Variants in MAD1L1 observed in about 807,000 individuals in gnomAD.
MAD1L1 encodes mitotic spindle assembly checkpoint protein MAD1.
In MAD1L1, 95 loss-of-function variants were observed where a neutral mutation model predicts 96.9. That is an observed-to-expected ratio of 0.98 (90% CI 0.83 to 1.16). MAD1L1 has a LOEUF of 1.16. Ranked by LOEUF, MAD1L1 falls within the 50% of genes most tolerant of loss-of-function variation. MAD1L1 has a pLI of 0.00. For missense variants in MAD1L1, 1,007 were observed against 954.4 expected (o/e 1.06, Z -0.73); for synonymous variants, 473 against 396.6 (o/e 1.19, Z -2.29).
chr7:1,900,657 G>T (rs890557226), intron 17 of MAD1L1, among the ~76,000 whole-genome samples: 2 of 152,200 alleles, frequency 1.3e-5, no homozygotes, highest in Non-Finnish European at 1.5e-5. Context: ...GCACAAGGAA[G>T]AACGCAGAGA....
chr7:2,041,423 C>T (rs1783667778), intron 12 of MAD1L1, among the ~76,000 whole-genome samples: 2 of 152,174 alleles, frequency 1.3e-5, no homozygotes, highest in African/African-American at 2.4e-5. Context: ...CCTGCCAGCT[C>T]GTAGCAGAGT....
At chr7:2,001,940 T>TC in intron 14 of MAD1L1, 125 bp downstream of exon 14, 1 of 970,720 alleles carries the variant, frequency 1.0e-6, no homozygotes, top group Non-Finnish European at 1.6e-6. Flanking sequence ...CAACGCAGCT[T>TC]CCGACGACAG....
At chr7:2,027,034 G>T (rs1783023684) in intron 12 of MAD1L1, among the ~76,000 whole-genome samples, 1 of 151,730 alleles carries the variant, frequency 6.6e-6, no homozygotes, top group South Asian at 2.1e-4. Flanking sequence ...TATTGAAAAA[G>T]ACATAACTAG....
chr7:2,001,149 C>T (rs749315963), intron 14 of MAD1L1, among the ~76,000 whole-genome samples: 5 of 152,272 alleles, frequency 3.3e-5, no homozygotes, highest in Non-Finnish European at 7.3e-5. Flanking sequence ...CTCACAGTCA[C>T]GAGCTGGCAA....
intron 12 of MAD1L1, among the ~76,000 whole-genome samples, chr7:2,040,783 T>G (rs1331077305): frequency 3.9e-5 from 6 of 152,296 alleles, no homozygotes; most frequent in South Asian, 2.1e-4. Context: ...ACTATGCTCA[T>G]TCCATAGATA....
intron 11 of MAD1L1, 113 bp downstream of exon 11, chr7:2,149,039 C>A (rs1268467813): frequency 1.1e-6 from 1 of 910,742 alleles, no homozygotes; most frequent in Admixed American, 2.0e-5. Flanking sequence ...CCAGGGCCAA[C>A]CACATGATGA....
chr7:2,232,607 G>C (rs1203541918), intron 1 of MAD1L1, among the ~76,000 whole-genome samples: 1 of 152,182 alleles, frequency 6.6e-6, no homozygotes, highest in Non-Finnish European at 1.5e-5. Flanking sequence ...GGACGGCTGC[G>C]GAGACCCAGG....
In MAD1L1 at chr7:1,898,242, G is replaced by T; in HGVS notation, c.1956C>A (p.Thr652=). Reference sequence around the variant, plus strand: ...CGCCTGGGTGCTCGGCGTACAGCGAGGTCAGCCGGTACTGGTTCTCCGTGG... The same window carrying T: ...CGCCTGGGTGCTCGGCGTACAGCGATGTCAGCCGGTACTGGTTCTCCGTGG... The part of the protein sequence containing the change: ...DITTENQYRL[T]SLYAEHPGDC... Residue 652 remains threonine, a synonymous_variant, in exon 18 of 19, where the codon ACC becomes ACA. Coordinates refer to ENST00000265854, the MANE Select transcript of MAD1L1 (RefSeq NM_001013836.2). The T allele has an allele frequency of 6.2e-7, 1 of 1,614,006 alleles. No homozygotes were observed. Among genetic ancestry groups the T allele is most frequent in the Non-Finnish European group, 8.5e-7 (1 of 1,179,948 alleles).
intron 7 of MAD1L1, among the ~76,000 whole-genome samples, chr7:2,217,493 A>T (rs914431332): frequency 1.3e-5 from 2 of 152,198 alleles, no homozygotes; most frequent in African/African-American, 4.8e-5. Context: ...CGGCCAGAGC[A>T]CAGGGTCTGG....
chr7:2,022,214 G>A (rs879858224), intron 12 of MAD1L1, among the ~76,000 whole-genome samples: 3 of 152,350 alleles, frequency 2.0e-5, no homozygotes, highest in Admixed American at 2.0e-4. Flanking sequence ...TGGGTGAAAT[G>A]AAGCAGCAGG....
intron 18 of MAD1L1, among the ~76,000 whole-genome samples, chr7:1,897,298 G>T (rs1294742216): frequency 2.0e-5 from 3 of 149,334 alleles, no homozygotes; most frequent in Non-Finnish European, 4.4e-5. Context: ...GCTGCAGACT[G>T]CAGGCAGTTT....
At chr7:1,906,800 T>C (rs1288127112) in intron 17 of MAD1L1, among the ~76,000 whole-genome samples, 2 of 152,194 alleles carry the variant, frequency 1.3e-5, no homozygotes, top group Non-Finnish European at 2.9e-5. Flanking sequence ...AGACCTGAGC[T>C]CCTGCCCCTG....
intron 16 of MAD1L1, among the ~76,000 whole-genome samples, chr7:1,943,715 G>A (rs1319981147): frequency 6.6e-6 from 1 of 152,044 alleles, no homozygotes; most frequent in Admixed American, 6.6e-5. Context: ...ATGTGATCCA[G>A]CAGGCCCAGT....
chr7:2,013,379 G>GAGCT (rs1782387152), intron 13 of MAD1L1, among the ~76,000 whole-genome samples: 2 of 152,270 alleles, frequency 1.3e-5, no homozygotes, highest in African/African-American at 4.8e-5. Context: ...TGAGACCAAA[G>GAGCT]AGCTCACAGA....
chr7:2,010,804 C>A (rs144858742), intron 13 of MAD1L1, among the ~76,000 whole-genome samples: 1 of 152,158 alleles, frequency 6.6e-6, no homozygotes, highest in African/African-American at 2.4e-5. Context: ...TCCTCACCTG[C>A]CCCGAGAGGC....
intron 18 of MAD1L1, among the ~76,000 whole-genome samples, chr7:1,869,476 G>C (rs1156708740): frequency 6.6e-6 from 1 of 152,098 alleles, no homozygotes; most frequent in Non-Finnish European, 1.5e-5. Flanking sequence ...CTCAGCCCAC[G>C]TGCAGCTGGG....
chr7:2,022,705 AT>A (rs1377733927), intron 12 of MAD1L1, among the ~76,000 whole-genome samples: 1 of 152,256 alleles, frequency 6.6e-6, no homozygotes, highest in African/African-American at 2.4e-5. Flanking sequence ...CATGGCAGGT[AT>A]TAACAGTATC....
At chr7:1,870,235 C>T (rs1311957409) in intron 18 of MAD1L1, among the ~76,000 whole-genome samples, 5 of 151,782 alleles carry the variant, frequency 3.3e-5, no homozygotes, top group Non-Finnish European at 1.5e-5. Flanking sequence ...CCACGCTGAA[C>T]CGACCATAAC....
chr7:2,112,362 C>T (rs898374368), intron 11 of MAD1L1, among the ~76,000 whole-genome samples: 1 of 152,068 alleles, frequency 6.6e-6, no homozygotes, highest in Non-Finnish European at 1.5e-5. Flanking sequence ...AGCGGTAAAC[C>T]TAAGGGAACC....
Sources: allele counts gnomAD v4.1 joint callset (sites outside exome capture counted in the v4.1 genomes callset), GRCh38; gene constraint gnomAD v4.1.1; transcripts MANE v1.5; gene names NCBI Gene and HGNC (gene_info 2026-07-23, HGNC 2026-07-21).